Variants in TOR1A observed in about 807,000 individuals in gnomAD.
TOR1A encodes the protein torsin family 1 member A.
Under a neutral mutation model 31.4 loss-of-function variants are expected in TOR1A, and 18 were observed. The observed-to-expected ratio is 0.57, with a 90% CI of 0.40 to 0.85. The LOEUF (loss-of-function observed/expected upper bound fraction) is 0.85, where lower values mean the gene tolerates loss of function less well. Ranked by LOEUF, TOR1A falls within the 40% of genes least tolerant of loss-of-function variation. The pLI, the probability that TOR1A is intolerant of heterozygous loss-of-function variation, is 0.00. For synonymous variants in TOR1A, 168 were observed against 165.9 expected (o/e 1.01, Z -0.10); for missense variants, 375 against 416.4 (o/e 0.90, Z 0.87).
Position 129,813,666 on chromosome 9 carries a change from A to T in TOR1A, c.*306T>A. Reference sequence around the variant, plus strand: ...AATAAAACTTATTCATCCTTCCTTGAAACAGAAACACTTGGAATTAAAACA... The same window carrying T: ...AATAAAACTTATTCATCCTTCCTTGTAACAGAAACACTTGGAATTAAAACA... On this transcript the variant is annotated 3_prime_UTR_variant, in exon 5 of 5. Transcript: ENST00000351698. 2 of 472,418 alleles carry T rather than the reference A, an allele frequency of 4.2e-6. No homozygotes were observed. Among genetic ancestry groups the T allele is most frequent in the Non-Finnish European group, 7.7e-6 (2 of 260,580 alleles). 29.3% of individuals were successfully genotyped at this position (472,418 alleles called of 1,614,324 possible).
chr9:129,817,293 T>C (rs558089875), intron 4 of TOR1A, among the ~76,000 whole-genome samples: 1 of 152,270 alleles, frequency 6.6e-6, no homozygotes, highest in South Asian at 2.1e-4. Flanking sequence ...TCTTGGGCAA[T>C]GCAGAGAAAG....
chr9:129,823,904 C>T lies in TOR1A; in HGVS notation c.178+4G>A, dbSNP rs1470907494. Reference sequence around the variant, plus strand: ...CCCAGCCTCCAGCCCCCGCCCCAGCCTACCCTCCCGGCTAAGGCTCCGCTT... The same window carrying T: ...CCCAGCCTCCAGCCCCCGCCCCAGCTTACCCTCCCGGCTAAGGCTCCGCTT... On this transcript the variant is annotated splice_donor_region_variant and intron_variant, in intron 1 of 4. Transcript: ENST00000351698. 1.3e-6 allele frequency: 2 copies of T among 1,576,482 alleles called. No individual in the cohort carries two copies. The highest frequency in any genetic ancestry group is 1.7e-6 in the Non-Finnish European group (2 of 1,162,628).
At chr9:129,816,813 G>A (rs2131003264) in intron 4 of TOR1A, among the ~76,000 whole-genome samples, 1 of 152,342 alleles carries the variant, frequency 6.6e-6, no homozygotes, top group African/African-American at 2.4e-5. Context: ...TATCCAACAT[G>A]TTACAAAATA....
In TOR1A at chr9:129,818,885, A is replaced by T. The variant is rs746315862; in HGVS notation, c.480T>A (p.Ser160Arg). The T allele has an allele frequency of 6.2e-7, 1 of 1,613,776 alleles. No homozygotes were observed. Among genetic ancestry groups the T allele is most frequent in the South Asian group, 1.1e-5 (1 of 91,072 alleles). The stretch of plus-strand genomic sequence containing the variant: ...ATATGAAGATGGACCTCGCACAGGC[A>T]CTCACGTTGCCTCGAATCCACAACT... ...QLQLWIRGNV[S>R]ACARSIFIFD... The change falls in exon 3 of 5, where the codon AGT becomes AGA. Residue 160 changes from serine to arginine, a missense_variant. Ser to Arg is a moderately radical substitution (Grantham distance 110, BLOSUM62 -1). Coordinates refer to ENST00000351698, the MANE Select transcript of TOR1A (RefSeq NM_000113.3).
At chr9:129,818,190 C>T in intron 4 of TOR1A, 1 of 390,262 alleles carries the variant, frequency 2.6e-6, no homozygotes, top group Admixed American at 3.7e-5. Flanking sequence ...GTAATCCCAG[C>T]TACTCAGGAG....
chr9:129,823,098 C>G (rs2031229559), intron 1 of TOR1A, among the ~76,000 whole-genome samples: 1 of 152,206 alleles, frequency 6.6e-6, no homozygotes, highest in African/African-American at 2.4e-5. Context: ...GCCACTGCCA[C>G]TGCCACCAGT....
chr9:129,823,073 G>A (rs1011390888), intron 1 of TOR1A, among the ~76,000 whole-genome samples: 1 of 152,048 alleles, frequency 6.6e-6, no homozygotes, highest in Non-Finnish European at 1.5e-5. Flanking sequence ...ACTCCTTCCC[G>A]AAAAGCCCCT....
At chr9:129,814,315 C>T (rs1196198918) in intron 4 of TOR1A, 93 bp from the exon 5 acceptor site, 1 of 1,590,672 alleles carries the variant, frequency 6.3e-7, no homozygotes, top group Non-Finnish European at 8.6e-7. Flanking sequence ...TCCCATCCGT[C>T]CCACAAACGT....
chr9:129,814,271 C>G (rs757630651), intron 4 of TOR1A, 49 bp from the exon 5 acceptor site: 7 of 1,612,502 alleles, frequency 4.3e-6, no homozygotes, highest in Non-Finnish European at 5.9e-6. Flanking sequence ...CCCACCTGCC[C>G]TATAGACGCC....
intron 1 of TOR1A, 50 bp from the exon 2 acceptor site, chr9:129,822,896 G>A (rs771877299): frequency 5.0e-6 from 8 of 1,613,104 alleles, no homozygotes; most frequent in Non-Finnish European, 5.9e-6. Flanking sequence ...GCGGCAAAAT[G>A]TAGCCACATT....
At chr9:129,815,512 C>T (rs994929789) in intron 4 of TOR1A, among the ~76,000 whole-genome samples, 5 of 152,204 alleles carry the variant, frequency 3.3e-5, no homozygotes, top group South Asian at 2.1e-4. Context: ...ACATGGAGAG[C>T]GGGAGGTGGA....
intron 4 of TOR1A, among the ~76,000 whole-genome samples, chr9:129,817,892 C>T (rs1471190957): frequency 8.0e-5 from 12 of 150,812 alleles, no homozygotes; most frequent in Non-Finnish European, 1.5e-5. Flanking sequence ...TGGCGCAAGC[C>T]TGTGGTTCCA....
intron 2 of TOR1A, 155 bp downstream of exon 2, chr9:129,822,426 A>C (rs1327574284): frequency 9.0e-7 from 1 of 1,108,108 alleles, no homozygotes; most frequent in East Asian, 2.6e-5. Context: ...ACGCATCTCA[A>C]ACTCTTAACT....
chr9:129,823,815 C>A, intron 1 of TOR1A, 93 bp downstream of exon 1: 2 of 1,448,698 alleles, frequency 1.4e-6, no homozygotes, highest in Non-Finnish European at 1.9e-6. Context: ...CGGCCTCCAT[C>A]CTCCATTCTC....
chr9:129,821,265 A>C (rs1215997348), intron 2 of TOR1A: 1 of 152,228 alleles, frequency 6.6e-6, no homozygotes, highest in Non-Finnish European at 1.5e-5. Context: ...ATCAAGATCC[A>C]GATGGTGCTA....
At chr9:129,823,886 T>G in intron 1 of TOR1A, 22 bp downstream of exon 1, 3 of 785,440 alleles carry the variant, frequency 3.8e-6, no homozygotes, top group Non-Finnish European at 5.7e-6. Flanking sequence ...AGCCCCAGCC[T>G]CCAGCCCCCG....
intron 4 of TOR1A, among the ~76,000 whole-genome samples, chr9:129,815,317 C>T (rs530884021): frequency 2.0e-5 from 3 of 152,330 alleles, no homozygotes; most frequent in South Asian, 2.1e-4. Context: ...TGAATGGGAA[C>T]GAGGGGCTGT....
chr9:129,813,556 AACAC>A lies in TOR1A; in HGVS notation c.*412_*415del, dbSNP rs538177206. 810 of 300,520 alleles carry A rather than the reference AACAC, an allele frequency of 2.7e-3. No homozygotes were observed. The highest frequency in any genetic ancestry group is 4.1e-3 in the Non-Finnish European group (629 of 155,184). The allele number at this position is 300,520 out of a possible 1,614,324, so 18.6% of individuals were successfully genotyped here. On this transcript the variant is annotated 3_prime_UTR_variant, in exon 5 of 5. Transcript: ENST00000351698. ...TAATAATGATGAGAACTTAAAAAAA[AACAC>A]ACACACAAGGCCAACAACTTAGAAT...
chr9:129,820,564 A>G (rs908765042), intron 2 of TOR1A, among the ~76,000 whole-genome samples: 3 of 152,188 alleles, frequency 2.0e-5, no homozygotes, highest in African/African-American at 7.2e-5. Flanking sequence ...TGAAGCCTCA[A>G]TTCTAAGATG....
Sources: gnomAD v4.1 joint callset for allele counts (sites outside exome capture counted in the v4.1 genomes callset) on GRCh38, gnomAD v4.1.1 for gene constraint, MANE v1.5 for transcripts, NCBI Gene and HGNC (gene_info 2026-07-23, HGNC 2026-07-21) for gene names.